The following POMT2 variants were observed in gnomAD, a reference collection of about 807,000 sequenced individuals.
POMT2 encodes the protein protein O-mannosyltransferase 2, also known as protein O-mannosyl-transferase 2.
POMT2 carries 75 observed loss-of-function variants against 100.0 expected under a neutral mutation model. The observed-to-expected ratio is 0.75, with a 90% CI of 0.62 to 0.91. The LOEUF (loss-of-function observed/expected upper bound fraction) is 0.91. Among genes scored for constraint, POMT2 ranks in the 40% least tolerant of loss-of-function variants. The probability of loss-of-function intolerance (pLI) is 0.00; values close to 1 mark genes in which losing one functional copy is unlikely to be tolerated. For synonymous variants in POMT2, 378 were observed against 374.1 expected, an observed-to-expected ratio of 1.01 and a Z score of -0.12; for missense variants, 940 against 955.1, an observed-to-expected ratio of 0.98 and a Z score of 0.21.
At chr14:77,288,179 T>G (rs1008232675) in intron 11 of POMT2, among the ~76,000 whole-genome samples, 1 of 152,254 alleles carries the variant, frequency 6.6e-6, no homozygotes, top group Non-Finnish European at 1.5e-5. Flanking sequence ...TCTCACTTAT[T>G]TCTCTGGATT....
chr14:77,278,939 C>G (rs1163354226), intron 18 of POMT2, 70 bp from the exon 19 acceptor site: 2 of 1,533,760 alleles, frequency 1.3e-6, no homozygotes, highest in Admixed American at 3.7e-5. Flanking sequence ...TGGTCCAGCT[C>G]TGCCCCTTCC....
At chr14:77,280,250 A>G (rs1890165103) in intron 16 of POMT2, 142 bp downstream of exon 16, 3 of 1,555,578 alleles carry the variant, frequency 1.9e-6, no homozygotes, top group African/African-American at 1.4e-5. Flanking sequence ...AGGGCAGAAA[A>G]CAGATACTCC....
At chr14:77,308,605 C>T in intron 2 of POMT2, 2 of 299,474 alleles carry the variant, frequency 6.7e-6, no homozygotes, top group Non-Finnish European at 6.5e-6. Context: ...ATCCGCCCGC[C>T]TCGGCTTCCC....
rs186075379 is a variant in POMT2 at position 77,298,335 on chromosome 14, C to G, written c.1006+354G>C. On this transcript the variant is annotated intron_variant, in intron 8 of 20. Transcript: ENST00000261534. ...GGGTGAGCACGCGCTCCACTACCAT[C>G]TGTCATAGATGAACGAATGCAACAC... 3.2e-3 allele frequency among the ~76,000 whole-genome samples: 491 copies of G among 152,352 alleles called. 3 individuals are homozygous for G. Among genetic ancestry groups the G allele is most frequent in the African/African-American group, 0.011 (473 of 41,586 alleles).
intron 8 of POMT2, among the ~76,000 whole-genome samples, chr14:77,297,472 T>C (rs1283683036): frequency 6.6e-6 from 1 of 152,198 alleles, no homozygotes. Context: ...CAAATCCCAC[T>C]GGCCCCATGG....
chr14:77,277,053 G>A lies in POMT2; in HGVS notation c.*323C>T. ...CAGTTACACGGTCTGTATTCCACAG[G>A]GATATGGACAACATGCCCTCACATA... On this transcript the variant is annotated 3_prime_UTR_variant, in exon 21 of 21. Coordinates refer to ENST00000261534, the MANE Select transcript of POMT2 (RefSeq NM_013382.7). The A allele has an allele frequency of 2.6e-6, 1 of 385,416 alleles. No homozygotes were observed. Among genetic ancestry groups the A allele is most frequent in the Middle Eastern group, 7.8e-4 (1 of 1,276 alleles). 23.9% of individuals were successfully genotyped at this position (385,416 alleles called of 1,614,324 possible). A position where few individuals can be genotyped will look rare whatever the true frequency, so the allele number is the denominator to read the frequency against.
chr14:77,300,733 T>A (rs1891001407), intron 6 of POMT2: 1 of 287,734 alleles, frequency 3.5e-6, no homozygotes, highest in Admixed American at 5.0e-5. Context: ...GGCAAAAGAA[T>A]CACTCGTACC....
chr14:77,290,480 C>T (rs1890599558), intron 10 of POMT2, among the ~76,000 whole-genome samples: 3 of 152,236 alleles, frequency 2.0e-5, no homozygotes, highest in Non-Finnish European at 2.9e-5. Flanking sequence ...CTGCCCATTT[C>T]TCTACAAAGG....
chr14:77,313,500 C>T (rs1328673501), intron 1 of POMT2, among the ~76,000 whole-genome samples: 2 of 152,192 alleles, frequency 1.3e-5, no homozygotes, highest in African/African-American at 4.8e-5. Flanking sequence ...AAAATGAAGA[C>T]AATAATATTA....
At chr14:77,284,781 AG>A (rs1426748268) in intron 14 of POMT2, among the ~76,000 whole-genome samples, 168 bp downstream of exon 14, 1 of 152,194 alleles carries the variant, frequency 6.6e-6, no homozygotes, top group Non-Finnish European at 1.5e-5. Flanking sequence ...GAGAAGGAAA[AG>A]GAGTATGCTA....
At chr14:77,304,671 G>C (rs1292879106) in intron 4 of POMT2, 21 bp downstream of exon 4, 1 of 1,566,184 alleles carries the variant, frequency 6.4e-7, no homozygotes, top group Admixed American at 1.9e-5. Context: ...CAAAAGCCAT[G>C]GTATGGCTAA....
At chr14:77,308,554 C>A (rs1030195959) in intron 2 of POMT2, among the ~76,000 whole-genome samples, 9 of 151,892 alleles carry the variant, frequency 5.9e-5, no homozygotes, top group African/African-American at 1.9e-4. Context: ...CGGGGTTTCA[C>A]CATGTTGGCC....
At chr14:77,316,436 T>C (rs1407224206) in intron 1 of POMT2, among the ~76,000 whole-genome samples, 1 of 151,860 alleles carries the variant, frequency 6.6e-6, no homozygotes, top group East Asian at 1.9e-4. Flanking sequence ...TAGCTGGACA[T>C]GGTGGCACGT....
chr14:77,320,461 T>C lies in POMT2; in HGVS notation c.221A>G (p.His74Arg), dbSNP rs769906558. Residue 74 changes from histidine (H) to arginine (R), a missense_variant, in exon 1 of 21, where the codon CAC (histidine) becomes CGC (arginine). His to Arg is a conservative substitution (Grantham distance 29). Transcript: ENST00000261534. Reference protein sequence around the residue: ...VTLLSFATRFHRLDEPPHICW... With the variant: ...VTLLSFATRFRRLDEPPHICW... Reference sequence around the variant, plus strand: ...GATGTGCGGCGGCTCGTCCAAGCGGTGGAAGCGGGTGGCGAAGGACAGCAG... The same window carrying C: ...GATGTGCGGCGGCTCGTCCAAGCGGCGGAAGCGGGTGGCGAAGGACAGCAG... 1 of 1,545,566 alleles carries C rather than the reference T, an allele frequency of 6.5e-7. No homozygotes were observed. Among genetic ancestry groups the C allele is most frequent in the South Asian group, 1.2e-5 (1 of 84,114 alleles).
intron 2 of POMT2, 52 bp from the exon 3 acceptor site, chr14:77,306,493 C>G (rs1891234395): frequency 3.1e-6 from 5 of 1,594,916 alleles, no homozygotes; most frequent in Non-Finnish European, 4.3e-6. Context: ...GAGAAGATTC[C>G]TCTGTCCTCT....
chr14:77,294,266 G>T (rs938436783), intron 9 of POMT2, among the ~76,000 whole-genome samples: 1 of 152,210 alleles, frequency 6.6e-6, no homozygotes. Context: ...TTGTGGGAGG[G>T]ACCCGGTGGG....
intron 1 of POMT2, among the ~76,000 whole-genome samples, chr14:77,314,338 G>A (rs1018240672): frequency 6.6e-6 from 1 of 152,198 alleles, no homozygotes; most frequent in African/African-American, 2.4e-5. Flanking sequence ...GGACTTAGGG[G>A]CAAAGGAAAC....
rs769494827 is a variant in POMT2, at chr14:77,286,757, G to A, written c.1319C>T (p.Thr440Ile). ...TTGCTTACTTACTATGCCATAGCCGGTGACCTGATAGTGCTTCCGGGTCAT... is the reference window on the plus strand; with the variant it reads ...TTGCTTACTTACTATGCCATAGCCGATGACCTGATAGTGCTTCCGGGTCAT... ...APMTRKHYQV[T>I]GYGINGTGDS... Residue 440 changes from threonine (T) to isoleucine (I), a missense_variant, in exon 12 of 21, where the codon ACC (threonine) becomes ATC (isoleucine). By Grantham distance (89) the Thr-to-Ile change is moderately conservative (BLOSUM62 -1). Coordinates refer to ENST00000261534, the MANE Select transcript of POMT2 (RefSeq NM_013382.7). 2 of 1,614,146 alleles carry A rather than the reference G, an allele frequency of 1.2e-6. No homozygotes were observed.
intron 3 of POMT2, 148 bp from the exon 4 acceptor site, chr14:77,304,948 G>T: frequency 7.1e-7 from 1 of 1,406,628 alleles, no homozygotes; most frequent in East Asian, 2.6e-5. Context: ...CTATAACTAA[G>T]AAAAGAGTAT....
Sources: allele counts gnomAD v4.1 joint callset (sites outside exome capture counted in the v4.1 genomes callset), GRCh38; gene constraint gnomAD v4.1.1; transcripts MANE v1.5; gene names NCBI Gene and HGNC (gene_info 2026-07-23, HGNC 2026-07-21).